Variants in VPS13B observed in about 807,000 individuals in gnomAD.
VPS13B encodes vacuolar protein sorting 13 homolog B.
Under a neutral mutation model 426.4 loss-of-function variants are expected in VPS13B, and 285 were observed. The observed-to-expected ratio is 0.67, with a 90% CI of 0.61 to 0.74. VPS13B has a LOEUF of 0.74. Ranked by LOEUF, VPS13B falls within the 30% of genes least tolerant of loss-of-function variation. The probability of loss-of-function intolerance (pLI) is 0.00; values close to 1 mark genes in which losing one functional copy is unlikely to be tolerated. For missense variants in VPS13B, 4,537 were observed against 4,782.6 expected, an observed-to-expected ratio of 0.95 and a Z score of 1.51; for synonymous variants, 1,676 against 1,676.4, an observed-to-expected ratio of 1.00 and a Z score of 0.01.
intron 60 of VPS13B, chr8:99,871,132 C>A: frequency 1.7e-6 from 1 of 597,528 alleles, no homozygotes; most frequent in Non-Finnish European, 2.9e-6. Flanking sequence ...CATACATTGG[C>A]AGAGAAACCC....
chr8:99,321,366 G>T (rs568490356), intron 19 of VPS13B, among the ~76,000 whole-genome samples: 1 of 151,792 alleles, frequency 6.6e-6, no homozygotes, highest in East Asian at 1.9e-4. Flanking sequence ...GCACCACCAC[G>T]CCCAGCTAAT....
intron 54 of VPS13B, among the ~76,000 whole-genome samples, chr8:99,840,749 T>G (rs1028377640): frequency 6.6e-6 from 1 of 152,206 alleles, no homozygotes; most frequent in Non-Finnish European, 1.5e-5. Context: ...GTCCATTTGG[T>G]GCAGATCACA....
chr8:99,217,784 G>C (rs530331784), intron 17 of VPS13B, among the ~76,000 whole-genome samples: 1 of 152,156 alleles, frequency 6.6e-6, no homozygotes, highest in South Asian at 2.1e-4. Context: ...ACTAGTTTTG[G>C]TAGTGACTAG....
At chr8:99,338,424 T>G (rs1166735596) in intron 19 of VPS13B, among the ~76,000 whole-genome samples, 1 of 152,072 alleles carries the variant, frequency 6.6e-6, no homozygotes, top group Non-Finnish European at 1.5e-5. Context: ...TTATATAATC[T>G]GTTAGGGTAC....
At chr8:99,494,701 C>T (rs1016653244) in intron 25 of VPS13B, among the ~76,000 whole-genome samples, 1 of 151,858 alleles carries the variant, frequency 6.6e-6, no homozygotes, top group African/African-American at 2.4e-5. Flanking sequence ...CTCCTAATTT[C>T]TCTGGTGAGG....
chr8:99,421,318 G>A (rs1816358437), intron 21 of VPS13B, among the ~76,000 whole-genome samples: 1 of 152,206 alleles, frequency 6.6e-6, no homozygotes, highest in Non-Finnish European at 1.5e-5. Context: ...CATTTGAAAT[G>A]AGATTGCGAT....
At chr8:99,594,911 C>A (rs1826920275) in intron 33 of VPS13B, among the ~76,000 whole-genome samples, 1 of 151,958 alleles carries the variant, frequency 6.6e-6, no homozygotes. Context: ...CATAACCAAT[C>A]TTCATGAAAT....
chr8:99,287,448 G>T (rs1819510405), intron 19 of VPS13B, among the ~76,000 whole-genome samples: 1 of 151,814 alleles, frequency 6.6e-6, no homozygotes, highest in African/African-American at 2.4e-5. Flanking sequence ...AATTTTAGTA[G>T]TTAATTTATT....
intron 39 of VPS13B, among the ~76,000 whole-genome samples, chr8:99,737,649 T>A (rs1263776114): frequency 6.6e-6 from 1 of 152,236 alleles, no homozygotes; most frequent in Non-Finnish European, 1.5e-5. Context: ...AAAGCGTGTA[T>A]CAGACAGTTT....
intron 16 of VPS13B, among the ~76,000 whole-genome samples, chr8:99,178,136 A>C (rs1812737075): frequency 6.6e-6 from 1 of 150,842 alleles, no homozygotes; most frequent in South Asian, 2.1e-4. Context: ...TTGATGATTT[A>C]ATTTCTTTTT....
At chr8:99,482,778 A>G (rs759173357) in intron 25 of VPS13B, among the ~76,000 whole-genome samples, 10 of 152,288 alleles carry the variant, frequency 6.6e-5, no homozygotes, top group Middle Eastern at 3.4e-3. Context: ...ATTTTTATCT[A>G]TGTGAATATG....
chr8:99,467,937 C>T (rs1819197307), intron 24 of VPS13B, among the ~76,000 whole-genome samples: 1 of 152,172 alleles, frequency 6.6e-6, no homozygotes, highest in Non-Finnish European at 1.5e-5. Flanking sequence ...CTGGAAGAGT[C>T]TGTTGAACTG....
intron 35 of VPS13B, among the ~76,000 whole-genome samples, chr8:99,684,449 A>T (rs773542452): frequency 2.6e-5 from 4 of 152,172 alleles, no homozygotes; most frequent in Non-Finnish European, 5.9e-5. Context: ...GAAGCCAGAA[A>T]TAGAGGGCTT....
At chr8:99,529,238 C>G (rs1399706998) in intron 30 of VPS13B, among the ~76,000 whole-genome samples, 1 of 152,090 alleles carries the variant, frequency 6.6e-6, no homozygotes, top group African/African-American at 2.4e-5. Flanking sequence ...TAGATCAAAA[C>G]TCACAGACCG....
chr8:99,239,215 T>A lies in VPS13B; in HGVS notation c.2516-34983T>A, dbSNP rs184440285. Among the ~76,000 whole-genome samples, 22 of 152,314 alleles carry A rather than the reference T, an allele frequency of 1.4e-4. No individual in the cohort carries two copies. The East Asian group carries it at 3.5e-3, about 24-fold the overall frequency. On this transcript the variant is annotated intron_variant, in intron 17 of 61. Transcript: ENST00000357162. Reference sequence around the variant, plus strand: ...TCTCCTGGCCATTGAGTGTTGTGGCTGACACATTCTATATAAATCTGAGGT... The same window carrying A: ...TCTCCTGGCCATTGAGTGTTGTGGCAGACACATTCTATATAAATCTGAGGT...
At chr8:99,304,576 T>C (rs533990384) in intron 19 of VPS13B, among the ~76,000 whole-genome samples, 22 of 152,258 alleles carry the variant, frequency 1.4e-4, no homozygotes, top group Non-Finnish European at 2.9e-4. Context: ...TCAATGAATT[T>C]TTGATTATCT....
At chr8:99,234,084 GC>G in intron 17 of VPS13B, 3 of 783,806 alleles carry the variant, frequency 3.8e-6, no homozygotes, top group South Asian at 1.4e-5. Context: ...CCTGAGAAGA[GC>G]CCCCAGGGCG....
chr8:99,347,514 C>T (rs2220679), intron 19 of VPS13B: 2,397 of 152,362 alleles, frequency 0.016, 38 homozygotes, highest in East Asian at 0.085. Flanking sequence ...TTTCTACACC[C>T]GTGTTCAGAT....
chr8:99,870,374 C>CT (rs1348531038), intron 59 of VPS13B, among the ~76,000 whole-genome samples: 2 of 152,110 alleles, frequency 1.3e-5, no homozygotes, highest in Non-Finnish European at 2.9e-5. Flanking sequence ...AGGCTGGTCT[C>CT]TAACTCTGAC....
Sources: gnomAD v4.1 joint callset for allele counts (sites outside exome capture counted in the v4.1 genomes callset) on GRCh38, gnomAD v4.1.1 for gene constraint, MANE v1.5 for transcripts, NCBI Gene and HGNC (gene_info 2026-07-23, HGNC 2026-07-21) for gene names.